The following KAZN variants were observed in gnomAD, a reference collection of about 807,000 sequenced individuals.
KAZN encodes the protein kazrin.
In KAZN, 40 loss-of-function variants were observed where a neutral mutation model predicts 87.4. That is an observed-to-expected ratio of 0.46 (90% CI 0.36 to 0.60). The LOEUF is 0.60. Ranked by LOEUF, KAZN falls within the 20% of genes least tolerant of loss-of-function variation. The pLI, the probability that KAZN is intolerant of heterozygous loss-of-function variation, is 0.00. For synonymous variants in KAZN, 466 were observed against 458.3 expected (o/e 1.02, Z -0.22); for missense variants, 898 against 1,073.9 (o/e 0.84, Z 2.29).
chr1:14,857,668 A>G (rs569960446), intron 1 of KAZN, among the ~76,000 whole-genome samples: 7 of 152,170 alleles, frequency 4.6e-5, no homozygotes, highest in Admixed American at 1.3e-4. Context: ...CTTTCTCCCA[A>G]TGAAATGTTT....
At chr1:14,405,538 C>T (rs1663769078) in intron 2 of KAZN, among the ~76,000 whole-genome samples, 1 of 151,464 alleles carries the variant, frequency 6.6e-6, no homozygotes, top group Non-Finnish European at 1.5e-5. Context: ...CACTTCCTAG[C>T]TGTGTGTCAT....
At chr1:14,195,511 TCA>T (rs55792359) in intron 2 of KAZN, among the ~76,000 whole-genome samples, 3,256 of 146,144 alleles carry the variant, frequency 0.022, 39 homozygotes, top group Non-Finnish European at 0.028. Context: ...CAAAAACGGC[TCA>T]CACACACACA....
intron 2 of KAZN, among the ~76,000 whole-genome samples, chr1:14,221,156 C>T (rs1483428049): frequency 2.0e-5 from 3 of 152,168 alleles, no homozygotes; most frequent in African/African-American, 7.2e-5. Flanking sequence ...TAATTCACTT[C>T]CTTTTAATCT....
chr1:14,545,071 AT>A (rs1673057504), intron 2 of KAZN, among the ~76,000 whole-genome samples: 1 of 152,146 alleles, frequency 6.6e-6, no homozygotes, highest in Non-Finnish European at 1.5e-5. Context: ...CAAACTAAAC[AT>A]TGATATCAGA....
chr1:13,898,135 A>G (rs1639113446), intron 1 of KAZN, among the ~76,000 whole-genome samples: 1 of 152,222 alleles, frequency 6.6e-6, no homozygotes, highest in Admixed American at 6.5e-5. Flanking sequence ...AGCTGTGTCC[A>G]ACATCTGAGG....
intron 2 of KAZN, among the ~76,000 whole-genome samples, chr1:14,336,279 T>G (rs1034416484): frequency 6.6e-6 from 1 of 152,254 alleles, no homozygotes; most frequent in African/African-American, 2.4e-5. Context: ...TGCATTCATG[T>G]TGCAGCATGT....
chr1:14,312,412 C>A (rs1280247479), intron 2 of KAZN, among the ~76,000 whole-genome samples: 1 of 152,070 alleles, frequency 6.6e-6, no homozygotes, highest in Non-Finnish European at 1.5e-5. Flanking sequence ...ATAGATACAA[C>A]CATTCTAGGA....
intron 1 of KAZN, among the ~76,000 whole-genome samples, chr1:13,914,350 A>C (rs1438619986): frequency 6.6e-6 from 1 of 152,208 alleles, no homozygotes; most frequent in Non-Finnish European, 1.5e-5. Context: ...CATGGGGATA[A>C]TATTATTGTT....
At chr1:15,108,513 A>T (rs912028619) in intron 13 of KAZN, among the ~76,000 whole-genome samples, 3 of 152,234 alleles carry the variant, frequency 2.0e-5, no homozygotes, top group Admixed American at 6.5e-5. Flanking sequence ...GGCTTTGCAG[A>T]GGGTTTGCTG....
intron 1 of KAZN, among the ~76,000 whole-genome samples, chr1:14,808,874 T>C (rs1646314639): frequency 6.6e-6 from 1 of 152,144 alleles, no homozygotes; most frequent in Non-Finnish European, 1.5e-5. Context: ...TTTCCTCCCC[T>C]GAATCCTAGC....
intron 1 of KAZN, among the ~76,000 whole-genome samples, chr1:14,111,962 A>T (rs1644508596): frequency 6.6e-6 from 1 of 150,798 alleles, no homozygotes; most frequent in Non-Finnish European, 1.5e-5. Flanking sequence ...CTGGTCTTGA[A>T]CTCCTGACCT....
intron 1 of KAZN, chr1:14,692,341 CG>C (rs113927257): frequency 0.049 from 20,281 of 411,502 alleles, 670 homozygotes; most frequent in Middle Eastern, 0.082. Context: ...CTCATTTTTT[CG>C]ATCTTTTCTT....
At chr1:14,016,640 G>A (rs762246296) in intron 1 of KAZN, among the ~76,000 whole-genome samples, 3 of 152,110 alleles carry the variant, frequency 2.0e-5, no homozygotes, top group Non-Finnish European at 4.4e-5. Flanking sequence ...TCTTTTAGAG[G>A]CTTCCATAAG....
At chr1:14,940,233 G>A (rs1196036841) in intron 1 of KAZN, among the ~76,000 whole-genome samples, 1 of 152,232 alleles carries the variant, frequency 6.6e-6, no homozygotes, top group Non-Finnish European at 1.5e-5. Flanking sequence ...ATAATGTCCA[G>A]TGCAGTTGTT....
intron 1 of KAZN, among the ~76,000 whole-genome samples, chr1:13,947,089 C>T (rs1365085115): frequency 6.6e-6 from 1 of 152,100 alleles, no homozygotes; most frequent in African/African-American, 2.4e-5. Context: ...TCTGTTTTCA[C>T]ACTGCTATAA....
At chr1:14,513,953 ATAC>A (rs1335062376) in intron 2 of KAZN, among the ~76,000 whole-genome samples, 6 of 151,996 alleles carry the variant, frequency 3.9e-5, no homozygotes, top group Non-Finnish European at 5.9e-5. Context: ...TCATTTAAAG[ATAC>A]TACATATTTA....
At chr1:14,861,645 C>A (rs1341669782) in intron 1 of KAZN, among the ~76,000 whole-genome samples, 1 of 152,076 alleles carries the variant, frequency 6.6e-6, no homozygotes, top group Admixed American at 6.6e-5. Context: ...AGCTAAGGTT[C>A]GCTCCAGAGG....
At chr1:14,202,517 G>A (rs559977520) in intron 2 of KAZN, among the ~76,000 whole-genome samples, 1 of 152,266 alleles carries the variant, frequency 6.6e-6, no homozygotes, top group East Asian at 1.9e-4. Context: ...AGCAGGGATG[G>A]TGTGGGGAGA....
At chr1:14,003,463 A>T (rs1639896162) in intron 1 of KAZN, among the ~76,000 whole-genome samples, 1 of 152,038 alleles carries the variant, frequency 6.6e-6, no homozygotes, top group Non-Finnish European at 1.5e-5. Context: ...TAGATGAAGG[A>T]CTTAGACTAC....
Sources: allele counts gnomAD v4.1 joint callset (sites outside exome capture counted in the v4.1 genomes callset), GRCh38; gene constraint gnomAD v4.1.1; transcripts MANE v1.5; gene names NCBI Gene and HGNC (gene_info 2026-07-23, HGNC 2026-07-21).